USH2A: variants seen among roughly 807,000 people sequenced by gnomAD.
The protein encoded by USH2A is Usher syndrome 2A (autosomal recessive, mild).
In USH2A, 443 loss-of-function variants were observed where a neutral mutation model predicts 538.9. The ratio of observed to expected loss-of-function variants is 0.82; its 90% CI spans 0.76 to 0.89. The LOEUF is 0.89. Among genes scored for constraint, USH2A ranks in the 40% least tolerant of loss-of-function variants. The pLI, the probability that USH2A is intolerant of heterozygous loss-of-function variation, is 0.00. For synonymous variants in USH2A, 2,413 were observed against 2,273.5 expected, an observed-to-expected ratio of 1.06 and a Z score of -1.75; for missense variants, 6,633 against 6,324.8, an observed-to-expected ratio of 1.05 and a Z score of -1.65.
At chr1:215,772,593 T>C (rs1163808825) in intron 55 of USH2A, among the ~76,000 whole-genome samples, 1 of 152,226 alleles carries the variant, frequency 6.6e-6, no homozygotes, top group Non-Finnish European at 1.5e-5. Flanking sequence ...CTTTAGTTCA[T>C]AAAAATATGA....
intron 5 of USH2A, 56 bp downstream of exon 5, chr1:216,327,535 T>C: frequency 1.3e-6 from 2 of 1,584,948 alleles, no homozygotes; most frequent in Admixed American, 1.7e-5. Flanking sequence ...CTTATTTAAG[T>C]GAATTCAGCA....
intron 61 of USH2A, among the ~76,000 whole-genome samples, chr1:215,721,729 A>G (rs1659666091): frequency 6.6e-6 from 1 of 152,118 alleles, no homozygotes; most frequent in African/African-American, 2.4e-5. Flanking sequence ...ATGTAAGGCA[A>G]GTAAATGAAA....
chr1:215,736,179 C>T (rs1171217453), intron 60 of USH2A, among the ~76,000 whole-genome samples: 3 of 152,136 alleles, frequency 2.0e-5, no homozygotes, highest in Non-Finnish European at 2.9e-5. Flanking sequence ...AATATAAAGC[C>T]TAAACTCCTT....
intron 47 of USH2A, among the ~76,000 whole-genome samples, chr1:215,832,289 C>T (rs1663342767): frequency 6.6e-6 from 1 of 151,744 alleles, no homozygotes; most frequent in Admixed American, 6.6e-5. Context: ...TAGTATGAGA[C>T]CAGAAATTAC....
intron 27 of USH2A, among the ~76,000 whole-genome samples, chr1:216,074,575 C>T (rs1266937085): frequency 6.6e-6 from 1 of 152,098 alleles, no homozygotes; most frequent in Non-Finnish European, 1.5e-5. Context: ...ATGTCTTTTA[C>T]TATTATCCAC....
Position 215,845,950 on chromosome 1 carries a change from G to A in USH2A, c.8929C>T (p.Pro2977Ser). The change falls in exon 45 of 72, where the codon CCA becomes TCA. Residue 2977 changes from proline to serine, a missense_variant. Pro to Ser is a moderately conservative substitution (Grantham distance 74). Coordinates refer to ENST00000307340, the MANE Select transcript of USH2A (RefSeq NM_206933.4). ...ATSNDSLKIL[P>S]DVNSHVIGHL... ...CCAATGACATGAGAGTTTACATCTG[G>A]CAAGATTTTTAGAGAGTCGTTTGAG... The A allele has an allele frequency of 6.2e-7, 1 of 1,613,868 alleles. No individual in the cohort carries two copies. The highest frequency in any genetic ancestry group is 8.5e-7 in the Non-Finnish European group (1 of 1,179,928).
At chr1:216,418,777 A>G in intron 2 of USH2A, 98 bp from the exon 3 acceptor site, 1 of 1,351,780 alleles carries the variant, frequency 7.4e-7, no homozygotes. Flanking sequence ...ATGACCTCAA[A>G]CTTTGCTCAA....
chr1:215,872,282 C>T (rs991907286), intron 43 of USH2A, among the ~76,000 whole-genome samples: 2 of 152,124 alleles, frequency 1.3e-5, no homozygotes, highest in African/African-American at 4.8e-5. Flanking sequence ...AAATTTTCAG[C>T]TGATGGTAGA....
intron 30 of USH2A, among the ~76,000 whole-genome samples, chr1:216,069,633 G>A (rs1161814586): frequency 6.6e-6 from 1 of 152,078 alleles, no homozygotes; most frequent in East Asian, 1.9e-4. Context: ...GTGAGAAATC[G>A]ATTCACTGAT....
Position 216,251,061 on chromosome 1 carries a change from C to A in USH2A, c.2009G>T (p.Gly670Val), listed in dbSNP as rs1479691631. ...GQCNCKRHVS[G>V]RQCNQCQNGF... ...ATTCTGGCACTGATTGCACTGCCTG[C>A]CAGACACGTGTCTCTTACAATTACA... is the stretch of plus-strand genomic sequence containing the variant. The change falls in exon 12 of 72, where the codon GGC becomes GTC. Residue 670 changes from glycine to valine, a missense_variant. By Grantham distance (109) the Gly-to-Val change is moderately radical. Coordinates refer to ENST00000307340, the MANE Select transcript of USH2A (RefSeq NM_206933.4). The A allele has an allele frequency of 6.2e-6, 10 of 1,613,888 alleles. No individual in the cohort carries two copies. The highest frequency in any genetic ancestry group is 8.5e-6 in the Non-Finnish European group (10 of 1,179,992).
intron 44 of USH2A, among the ~76,000 whole-genome samples, chr1:215,847,421 G>C (rs1164703948): frequency 6.6e-6 from 1 of 152,052 alleles, no homozygotes; most frequent in Non-Finnish European, 1.5e-5. Context: ...ATGAGGCTGA[G>C]ATCACTTGAG....
At chr1:215,954,732 A>T (rs1667021518) in intron 37 of USH2A, among the ~76,000 whole-genome samples, 1 of 152,002 alleles carries the variant, frequency 6.6e-6, no homozygotes, top group Admixed American at 6.6e-5. Context: ...AAAAAAAACA[A>T]TTGAAAATTT....
chr1:216,206,322 G>T (rs564849291), intron 16 of USH2A, among the ~76,000 whole-genome samples: 8 of 152,118 alleles, frequency 5.3e-5, no homozygotes, highest in South Asian at 4.1e-4. Context: ...CCCAGGGACT[G>T]GTTTCATGGA....
chr1:215,838,959 G>A lies in USH2A; in HGVS notation c.9259-856C>T, dbSNP rs542944113. On this transcript the variant is annotated intron_variant, in intron 46 of 71. Transcript: ENST00000307340. ...CTGATGAATCTTAAACATTAATTCC[G>A]AGCTTTTATGTGAAACAGTTCTCTG... 1.7e-3 allele frequency among the ~76,000 whole-genome samples: 265 copies of A among 152,182 alleles called. 3 individuals are homozygous for A. The highest frequency in any genetic ancestry group is 6.1e-3 in the African/African-American group (255 of 41,538).
At chr1:215,941,220 A>T (rs1308159903) in intron 37 of USH2A, among the ~76,000 whole-genome samples, 3 of 152,088 alleles carry the variant, frequency 2.0e-5, no homozygotes, top group Non-Finnish European at 2.9e-5. Flanking sequence ...AATAGTTATA[A>T]AAATGAAAGA....
intron 70 of USH2A, 71 bp downstream of exon 70, chr1:215,634,388 T>C: frequency 6.2e-7 from 1 of 1,609,500 alleles, no homozygotes; most frequent in Non-Finnish European, 8.5e-7. Context: ...CTATGACACA[T>C]TTTTCTCAGA....
intron 44 of USH2A, among the ~76,000 whole-genome samples, chr1:215,862,504 G>A (rs1244303512): frequency 6.6e-6 from 1 of 152,128 alleles, no homozygotes; most frequent in Non-Finnish European, 1.5e-5. Flanking sequence ...CATGGCACAT[G>A]TTTACATATG....
intron 14 of USH2A, among the ~76,000 whole-genome samples, chr1:216,231,370 C>T (rs1391354155): frequency 7.0e-6 from 1 of 143,458 alleles, no homozygotes; most frequent in Non-Finnish European, 1.5e-5. Flanking sequence ...CTGTCTTTCT[C>T]CACATCCAGA....
intron 55 of USH2A, among the ~76,000 whole-genome samples, chr1:215,774,150 A>T (rs1661387872): frequency 6.6e-6 from 1 of 152,130 alleles, no homozygotes; most frequent in Non-Finnish European, 1.5e-5. Flanking sequence ...GAACATCAAA[A>T]CATCAAAACA....
Sources: gnomAD v4.1 joint callset for allele counts (sites outside exome capture counted in the v4.1 genomes callset) on GRCh38, gnomAD v4.1.1 for gene constraint, MANE v1.5 for transcripts, NCBI Gene and HGNC (gene_info 2026-07-23, HGNC 2026-07-21) for gene names.